SLC28A2: variants seen among roughly 807,000 people sequenced by gnomAD.
SLC28A2 encodes sodium/nucleoside cotransporter 2.
SLC28A2 carries 69 observed loss-of-function variants against 72.9 expected under a neutral mutation model. The ratio of observed to expected loss-of-function variants is 0.95; its 90% confidence interval spans 0.78 to 1.16. The LOEUF (loss-of-function observed/expected upper bound fraction) is 1.16. SLC28A2 is among the 50% of genes most tolerant of loss of function. The pLI is 0.00. For synonymous variants in SLC28A2, 296 were observed against 294.1 expected (o/e 1.01, Z -0.07); for missense variants, 745 against 791.1 (o/e 0.94, Z 0.70).
chr15:45,256,550 C>T (rs543023711), intron 3 of SLC28A2, among the ~76,000 whole-genome samples: 6 of 151,912 alleles, frequency 3.9e-5, no homozygotes, highest in South Asian at 2.1e-4. Flanking sequence ...TGGGATTACA[C>T]GTGCTACCAC....
intron 3 of SLC28A2, among the ~76,000 whole-genome samples, chr15:45,254,338 A>G (rs1355003580): frequency 6.6e-6 from 1 of 152,250 alleles, no homozygotes; most frequent in Non-Finnish European, 1.5e-5. Flanking sequence ...ATAATCATGT[A>G]TATCAACGGT....
At chr15:45,273,168 T>C (rs1900641259) in intron 17 of SLC28A2, among the ~76,000 whole-genome samples, 3 of 152,116 alleles carry the variant, frequency 2.0e-5, no homozygotes, top group African/African-American at 7.2e-5. Flanking sequence ...CTCTATTTTA[T>C]ATTAATTAAA....
chr15:45,274,996 T>C (rs746992532), intron 17 of SLC28A2, among the ~76,000 whole-genome samples: 1 of 152,204 alleles, frequency 6.6e-6, no homozygotes, highest in Non-Finnish European at 1.5e-5. Context: ...CTGAAGATCA[T>C]TGAAAGACAA....
At chr15:45,265,065 G>A in intron 7 of SLC28A2, 24 bp from the exon 8 acceptor site, 1 of 1,568,770 alleles carries the variant, frequency 6.4e-7, no homozygotes, top group Non-Finnish European at 8.8e-7. Flanking sequence ...CTTATTCTCT[G>A]TCTTTTTCTT....
chr15:45,265,038 T>A (rs1431783668), intron 7 of SLC28A2, 51 bp from the exon 8 acceptor site: 7 of 1,397,666 alleles, frequency 5.0e-6, no homozygotes, highest in Non-Finnish European at 7.1e-6. Flanking sequence ...TTCCTGTGTG[T>A]CCTTTTGGGT....
intron 3 of SLC28A2, among the ~76,000 whole-genome samples, chr15:45,257,087 CCA>C (rs760356478): frequency 6.6e-6 from 1 of 152,216 alleles, no homozygotes; most frequent in Non-Finnish European, 1.5e-5. Context: ...TATGTAATCC[CCA>C]GTTTCCTGCC....
At chr15:45,268,187 T>C in intron 12 of SLC28A2, 23 bp from the exon 13 acceptor site, 2 of 1,587,174 alleles carry the variant, frequency 1.3e-6, no homozygotes, top group South Asian at 2.2e-5. Context: ...ACCCTACTCT[T>C]GCCCTCTGCC....
Position 45,253,459 on chromosome 15 carries a change from A to G in SLC28A2, c.109A>G (p.Lys37Glu). ...AAAAGAAGTAGAGCCTGAGGGAAGC[A>G]AGAGGACTGACGCACAAGGACACAG... ...MEKEVEPEGS[K>E]RTDAQGHSLG... is the part of the protein sequence containing the mutation. The change falls in exon 3 of 18, where the codon AAG (lysine) becomes GAG (glutamate). Residue 37 changes from lysine (K) to glutamate (E), a missense_variant. Coordinates refer to ENST00000347644, the MANE Select transcript of SLC28A2 (RefSeq NM_004212.4). 6.2e-7 allele frequency: 1 copy of G among 1,614,024 alleles called. No homozygotes were observed. Among genetic ancestry groups the G allele is most frequent in the Non-Finnish European group, 8.5e-7 (1 of 1,179,890 alleles).
intron 3 of SLC28A2, among the ~76,000 whole-genome samples, chr15:45,256,500 C>G (rs935974982): frequency 6.6e-6 from 1 of 151,944 alleles, no homozygotes; most frequent in Non-Finnish European, 1.5e-5. Flanking sequence ...CTCCACCTCC[C>G]GGGTTCAAGC....
intron 3 of SLC28A2, among the ~76,000 whole-genome samples, chr15:45,261,607 T>A (rs1385088056): frequency 4.6e-5 from 7 of 152,228 alleles, no homozygotes; most frequent in Admixed American, 4.6e-4. Context: ...GGCTGACTGT[T>A]CAAGGCCATA....
intron 13 of SLC28A2, among the ~76,000 whole-genome samples, chr15:45,269,137 T>A (rs1416700212): frequency 2.0e-5 from 3 of 151,644 alleles, no homozygotes; most frequent in Non-Finnish European, 4.4e-5. Flanking sequence ...CTGCACATTG[T>A]GCACATGTAC....
chr15:45,269,456 A>G lies in SLC28A2; in HGVS notation c.1487A>G (p.Tyr496Cys), dbSNP rs758206318. 1.9e-6 allele frequency: 3 copies of G among 1,614,186 alleles called. No homozygotes were observed. Among genetic ancestry groups the G allele is most frequent in the Non-Finnish European group, 2.5e-6 (3 of 1,180,004 alleles). The change falls in exon 14 of 18, where the codon TAT becomes TGT. Residue 496 changes from tyrosine (Y) to cysteine (C), a missense_variant. By Grantham distance (194) the Tyr-to-Cys change is radical (BLOSUM62 -2). Transcript: ENST00000347644. ...TTCTTCATAAATGAGTTTGTGGCTTATCAGCAACTGTCTCAATACAAGAAC... is the reference window on the plus strand; with the variant it reads ...TTCTTCATAAATGAGTTTGTGGCTTGTCAGCAACTGTCTCAATACAAGAAC... ...IKFFINEFVA[Y>C]QQLSQYKNKR... is the part of the protein sequence containing the mutation.
At chr15:45,271,476 G>A (rs570219374) in intron 15 of SLC28A2, among the ~76,000 whole-genome samples, 1 of 152,094 alleles carries the variant, frequency 6.6e-6, no homozygotes, top group African/African-American at 2.4e-5. Flanking sequence ...GAGGTGGGAG[G>A]ATTGCTTGAA....
At chr15:45,253,067 T>G (rs1011141610) in intron 1 of SLC28A2, 133 bp from the exon 2 acceptor site, 3 of 564,140 alleles carry the variant, frequency 5.3e-6, no homozygotes, top group Non-Finnish European at 9.7e-6. Context: ...TCTCAGTTCT[T>G]AAAGAAATCA....
At chr15:45,253,763 T>G (rs958410755) in intron 3 of SLC28A2, 25 of 369,240 alleles carry the variant, frequency 6.8e-5, no homozygotes, top group Non-Finnish European at 1.1e-4. Flanking sequence ...GGCTAACAGA[T>G]TTTGAGTGTA....
intron 5 of SLC28A2, 105 bp from the exon 6 acceptor site, chr15:45,263,776 C>G: frequency 8.5e-7 from 1 of 1,177,360 alleles, no homozygotes; most frequent in South Asian, 1.7e-5. Context: ...CATGCATGGC[C>G]TTTGATCACA....
intron 15 of SLC28A2, 68 bp from the exon 16 acceptor site, chr15:45,272,227 G>A (rs998075758): frequency 2.9e-5 from 35 of 1,223,690 alleles, no homozygotes; most frequent in Middle Eastern, 1.9e-4. Flanking sequence ...TCTAAGTGGG[G>A]GCCCATGGGA....
intron 13 of SLC28A2, among the ~76,000 whole-genome samples, chr15:45,269,044 C>T (rs1174834760): frequency 6.7e-6 from 1 of 149,662 alleles, no homozygotes; most frequent in Non-Finnish European, 1.5e-5. Context: ...GGAGGGATGG[C>T]ATTAGGAGAT....
rs1178357768 is a variant in SLC28A2, at chr15:45,252,852, G to C, written c.-16-348G>C. Among the ~76,000 whole-genome samples, 3 of 152,158 alleles carry C rather than the reference G, an allele frequency of 2.0e-5. No homozygotes were observed. In the East Asian group the frequency reaches 5.8e-4, roughly 29 times the overall value. On this transcript the variant is annotated intron_variant, in intron 1 of 17. Transcript: ENST00000347644. ...TGGGGCTAAAAGGAGTAGTTACCCT[G>C]TGACTCTTTCTTTGAGGGTCCAAGT... is the stretch of plus-strand genomic sequence containing the variant.
Sources: allele counts gnomAD v4.1 joint callset (sites outside exome capture counted in the v4.1 genomes callset), GRCh38; gene constraint gnomAD v4.1.1; transcripts MANE v1.5; gene names NCBI Gene and HGNC (gene_info 2026-07-23, HGNC 2026-07-21).